Variants in DNAAF9 observed in about 807,000 individuals in gnomAD.
The protein encoded by DNAAF9 is dynein axonemal assembly factor 9.
In DNAAF9, 90 loss-of-function variants were observed where a neutral mutation model predicts 167.0. The observed-to-expected ratio is 0.54, with a 90% CI of 0.45 to 0.64. The LOEUF is 0.64. Ranked by LOEUF, DNAAF9 falls within the 30% of genes least tolerant of loss-of-function variation. The probability of loss-of-function intolerance (pLI) is 0.00; values close to 1 mark genes in which losing one functional copy is unlikely to be tolerated. For synonymous variants in DNAAF9, 491 were observed against 508.8 expected (o/e 0.96, Z 0.47); for missense variants, 1,315 against 1,442.2 (o/e 0.91, Z 1.43).
At chr20:3,347,960 C>T (rs2070229503) in intron 8 of DNAAF9, among the ~76,000 whole-genome samples, 1 of 152,062 alleles carries the variant, frequency 6.6e-6, no homozygotes, top group Non-Finnish European at 1.5e-5. Context: ...AATTCCAGCT[C>T]CATACCATCA....
chr20:3,284,129 C>T (rs887916585), intron 27 of DNAAF9, among the ~76,000 whole-genome samples: 1 of 151,584 alleles, frequency 6.6e-6, no homozygotes, highest in African/African-American at 2.4e-5. Context: ...ACAGAAAGAG[C>T]ACCCCCTACC....
chr20:3,271,171 C>T (rs1007991961), intron 29 of DNAAF9, among the ~76,000 whole-genome samples: 12 of 151,988 alleles, frequency 7.9e-5, no homozygotes, highest in Admixed American at 7.2e-4. Flanking sequence ...GTCAAAGGGC[C>T]TTTTCACACA....
chr20:3,360,576 G>A (rs562377549), intron 6 of DNAAF9, among the ~76,000 whole-genome samples: 3 of 152,228 alleles, frequency 2.0e-5, no homozygotes, highest in South Asian at 2.1e-4. Flanking sequence ...GTGGAAAGAC[G>A]CAGCAATTTG....
chr20:3,334,004 G>A (rs981201626), intron 10 of DNAAF9, among the ~76,000 whole-genome samples: 4 of 152,134 alleles, frequency 2.6e-5, no homozygotes, highest in Non-Finnish European at 4.4e-5. Context: ...AATCAATTGC[G>A]AGCTTTCCTG....
In DNAAF9 at chr20:3,343,699, G is replaced by C. The variant is rs982624174; in HGVS notation, c.822C>G (p.Ile274Met). The C allele has an allele frequency of 6.2e-7, 1 of 1,612,258 alleles. No homozygotes were observed. Among genetic ancestry groups the C allele is most frequent in the African/African-American group, 1.3e-5 (1 of 74,800 alleles). The change falls in exon 9 of 37, where the codon ATC becomes ATG. Residue 274 changes from isoleucine (I) to methionine (M), a missense_variant. Coordinates refer to ENST00000252032, the MANE Select transcript of DNAAF9 (RefSeq NM_001009984.3). Reference protein sequence around the residue: ...PFRSYFSHGMISSHITENSPN... With the variant: ...PFRSYFSHGMMSSHITENSPN... The stretch of plus-strand genomic sequence containing the variant: ...ACCTGTTTTCAGTTATATGGCTAGA[G>C]ATCATTCCATGACTGAAATAACTTC...
intron 2 of DNAAF9, 116 bp from the exon 3 acceptor site, chr20:3,381,614 C>T (rs2083655251): frequency 3.9e-6 from 4 of 1,032,168 alleles, no homozygotes; most frequent in Non-Finnish European, 5.4e-6. Flanking sequence ...GCAGCTCAGA[C>T]CAGTTTTGTG....
chr20:3,340,412 A>C, intron 10 of DNAAF9, 92 bp downstream of exon 10: 1 of 1,051,672 alleles, frequency 9.5e-7, no homozygotes, highest in Admixed American at 2.4e-5. Flanking sequence ...CACTAACTGG[A>C]AAAGGTTCTT....
At chr20:3,296,650 G>C (rs946889700) in intron 23 of DNAAF9, 1 of 532,858 alleles carries the variant, frequency 1.9e-6, no homozygotes, top group Non-Finnish European at 3.3e-6. Context: ...CAAAGTGTTG[G>C]GATTACAAGT....
At chr20:3,301,468 G>A (rs1221328241) in intron 21 of DNAAF9, among the ~76,000 whole-genome samples, 1 of 152,094 alleles carries the variant, frequency 6.6e-6, no homozygotes, top group Non-Finnish European at 1.5e-5. Flanking sequence ...GATTACAGGC[G>A]TGAGCCACCA....
At chr20:3,311,564 T>G (rs1002245427) in intron 20 of DNAAF9, among the ~76,000 whole-genome samples, 1 of 151,834 alleles carries the variant, frequency 6.6e-6, no homozygotes, top group Admixed American at 6.6e-5. Flanking sequence ...AAACTATAAC[T>G]CACATGTCCA....
intron 7 of DNAAF9, among the ~76,000 whole-genome samples, chr20:3,354,263 A>G (rs914991256): frequency 6.6e-6 from 1 of 152,220 alleles, no homozygotes; most frequent in African/African-American, 2.4e-5. Flanking sequence ...TAAACACTGC[A>G]TTTGTGGAAA....
At chr20:3,401,951 T>G (rs1322608194) in intron 1 of DNAAF9, among the ~76,000 whole-genome samples, 1 of 152,190 alleles carries the variant, frequency 6.6e-6, no homozygotes, top group Non-Finnish European at 1.5e-5. Flanking sequence ...GGGAAATCCT[T>G]AATCAGACTG....
At chr20:3,322,563 T>C in intron 15 of DNAAF9, 89 bp downstream of exon 15, 2 of 1,039,146 alleles carry the variant, frequency 1.9e-6, no homozygotes, top group Admixed American at 1.7e-5. Flanking sequence ...TGTGGAAGCA[T>C]GAGAAAACCA....
chr20:3,343,309 C>T (rs1484654449), intron 9 of DNAAF9, among the ~76,000 whole-genome samples: 1 of 152,046 alleles, frequency 6.6e-6, no homozygotes, highest in East Asian at 1.9e-4. Flanking sequence ...ATTACAGGCG[C>T]ATGCCACCAC....
chr20:3,285,313 G>A (rs1009372686), intron 27 of DNAAF9, among the ~76,000 whole-genome samples: 1 of 152,120 alleles, frequency 6.6e-6, no homozygotes, highest in African/African-American at 2.4e-5. Context: ...TTGGGAGGCT[G>A]AGGTGGGAAG....
intron 17 of DNAAF9, among the ~76,000 whole-genome samples, chr20:3,317,107 C>T (rs901642149): frequency 6.6e-6 from 1 of 151,836 alleles, no homozygotes; most frequent in Non-Finnish European, 1.5e-5. Flanking sequence ...GCTAGCTAGG[C>T]TGGTCTCAAA....
chr20:3,269,324 C>T (rs1277946401), intron 30 of DNAAF9, among the ~76,000 whole-genome samples: 1 of 151,888 alleles, frequency 6.6e-6, no homozygotes, highest in African/African-American at 2.4e-5. Context: ...ATCCTCCTGC[C>T]CAGCCTCCTG....
intron 27 of DNAAF9, 31 bp from the exon 28 acceptor site, chr20:3,281,797 C>T: frequency 6.3e-7 from 1 of 1,593,592 alleles, no homozygotes; most frequent in African/African-American, 1.4e-5. Context: ...ATGATTAGTT[C>T]ACTGACTGGC....
intron 1 of DNAAF9, among the ~76,000 whole-genome samples, chr20:3,385,707 T>G (rs1479408638): frequency 6.6e-6 from 1 of 152,194 alleles, no homozygotes; most frequent in Non-Finnish European, 1.5e-5. Flanking sequence ...GATGGGACAA[T>G]TGTAACTTTA....
Sources: gnomAD v4.1 joint callset for allele counts (sites outside exome capture counted in the v4.1 genomes callset) on GRCh38, gnomAD v4.1.1 for gene constraint, MANE v1.5 for transcripts, NCBI Gene and HGNC (gene_info 2026-07-23, HGNC 2026-07-21) for gene names.